PLEKHA7: variants seen among roughly 807,000 people sequenced by gnomAD.
PLEKHA7 encodes the protein pleckstrin homology domain containing A7.
PLEKHA7 carries 104 observed loss-of-function variants against 170.0 expected under a neutral mutation model. The observed-to-expected ratio is 0.61, with a 90% CI of 0.52 to 0.72. The LOEUF (loss-of-function observed/expected upper bound fraction) is 0.72. Ranked by LOEUF, PLEKHA7 falls within the 30% of genes least tolerant of loss-of-function variation. The pLI, the probability that PLEKHA7 is intolerant of heterozygous loss-of-function variation, is 0.00. For synonymous variants in PLEKHA7, 648 were observed against 660.8 expected (o/e 0.98, Z 0.30); for missense variants, 1,615 against 1,671.7 (o/e 0.97, Z 0.59).
intron 3 of PLEKHA7, among the ~76,000 whole-genome samples, chr11:16,929,991 A>G (rs1310874480): frequency 6.6e-6 from 1 of 152,064 alleles, no homozygotes; most frequent in East Asian, 1.9e-4. Context: ...CAACAGAGTG[A>G]GACTCCGTCT....
At chr11:16,934,188 C>T (rs1232306902) in intron 3 of PLEKHA7, among the ~76,000 whole-genome samples, 1 of 152,194 alleles carries the variant, frequency 6.6e-6, no homozygotes, top group East Asian at 1.9e-4. Context: ...CCTATCACTG[C>T]AGCCCATCAG....
intron 6 of PLEKHA7, among the ~76,000 whole-genome samples, chr11:16,853,927 G>C (rs1032711700): frequency 6.6e-6 from 1 of 152,206 alleles, no homozygotes; most frequent in African/African-American, 2.4e-5. Flanking sequence ...TTCCCACAAA[G>C]CTTCACCAAA....
chr11:16,779,023 G>T lies in PLEKHA7; in HGVS notation c.3794-3C>A. The T allele has an allele frequency of 1.4e-6, 1 of 702,620 alleles. No homozygotes were observed. The highest frequency in any genetic ancestry group is 2.7e-5 in the East Asian group (1 of 37,282). 43.5% of individuals were successfully genotyped at this position (702,620 alleles called of 1,614,324 possible). Reference sequence around the variant, plus strand: ...TCACGGGTCAGTCACTGCCTGGGCTGGCAAAAAGCACAGGAGACAGTGAGA... The same window carrying T: ...TCACGGGTCAGTCACTGCCTGGGCTTGCAAAAAGCACAGGAGACAGTGAGA... On this transcript the variant is annotated splice_polypyrimidine_tract_variant and splice_region_variant and intron_variant, in intron 26 of 26. Transcript: ENST00000531066.
At chr11:16,906,228 A>T (rs879488691) in intron 3 of PLEKHA7, among the ~76,000 whole-genome samples, 101 of 28,916 alleles carry the variant, frequency 3.5e-3, no homozygotes, top group Non-Finnish European at 0.01. Flanking sequence ...ATGAGGTAGG[A>T]AGGAAGGAAG....
intron 4 of PLEKHA7, among the ~76,000 whole-genome samples, chr11:16,868,394 G>T (rs1417239420): frequency 6.6e-6 from 1 of 152,116 alleles, no homozygotes; most frequent in Non-Finnish European, 1.5e-5. Flanking sequence ...CCTTTGAGGG[G>T]CATGCACACA....
Position 16,803,206 on chromosome 11 carries a change from C to T in PLEKHA7, c.2076+21G>A, listed in dbSNP as rs369278836. 87 of 1,609,384 alleles carry T rather than the reference C, an allele frequency of 5.4e-5. No homozygotes were observed. The African/African-American group carries it at 6.8e-4, about 13-fold the overall frequency. ...GGTCAGGAGGCAGCTGAGGGGTCAG[C>T]GTGTCACTCTGCTCACTCACGTCAG... On this transcript the variant is annotated intron_variant, in intron 14 of 26. Transcript: ENST00000531066.
chr11:16,947,311 C>T (rs1447642892), intron 3 of PLEKHA7, among the ~76,000 whole-genome samples: 1 of 152,146 alleles, frequency 6.6e-6, no homozygotes, highest in Admixed American at 6.5e-5. Flanking sequence ...AAAATAGAGG[C>T]TGGGTGTGGT....
intron 4 of PLEKHA7, among the ~76,000 whole-genome samples, chr11:16,857,188 G>A (rs889623143): frequency 4.6e-5 from 7 of 152,204 alleles, no homozygotes; most frequent in African/African-American, 1.7e-4. Context: ...TACACCACAA[G>A]GGAAGTTCTC....
At chr11:16,975,516 G>T (rs1013294062) in intron 3 of PLEKHA7, among the ~76,000 whole-genome samples, 1 of 152,054 alleles carries the variant, frequency 6.6e-6, no homozygotes. Flanking sequence ...CCATGTCAGA[G>T]AACCCATGGA....
chr11:17,014,118 C>T lies in PLEKHA7; in HGVS notation c.163+7G>A. ...GCGCGCCCCCCACCCGCCGGCCCGG[C>T]GCCCACCTGAGCGGATCATGTGGCC... On this transcript the variant is annotated splice_region_variant and intron_variant, in intron 2 of 26. Coordinates refer to ENST00000531066, the MANE Select transcript of PLEKHA7 (RefSeq NM_001329630.2). 1 of 1,599,072 alleles carries T rather than the reference C, an allele frequency of 6.3e-7. No homozygotes were observed.
At chr11:16,982,821 A>ACG (rs1863517244) in intron 3 of PLEKHA7, among the ~76,000 whole-genome samples, 4 of 131,484 alleles carry the variant, frequency 3.0e-5, no homozygotes, top group Non-Finnish European at 6.4e-5. Context: ...AAAGAGAGAC[A>ACG]GAGAGAGAGA....
intron 10 of PLEKHA7, among the ~76,000 whole-genome samples, chr11:16,825,840 G>A (rs868820792): frequency 1.3e-5 from 2 of 152,222 alleles, no homozygotes; most frequent in Non-Finnish European, 2.9e-5. Flanking sequence ...AGACTCTGGT[G>A]TAATCGCATG....
chr11:16,810,469 C>T (rs749814393), intron 13 of PLEKHA7, among the ~76,000 whole-genome samples: 1 of 152,210 alleles, frequency 6.6e-6, no homozygotes, highest in African/African-American at 2.4e-5. Flanking sequence ...GCTTGTTTCT[C>T]GCATGTGGCT....
At chr11:16,963,318 T>TG (rs1862181590) in intron 3 of PLEKHA7, among the ~76,000 whole-genome samples, 1 of 152,232 alleles carries the variant, frequency 6.6e-6, no homozygotes, top group African/African-American at 2.4e-5. Flanking sequence ...TGTACCTTGC[T>TG]TAATTTAGGA....
Position 16,851,173 on chromosome 11 carries a change from G to A in PLEKHA7, c.696+18C>T. ...TTTCTTAGACAGAATGGCTGCATTAGAGGTGCAGGGGCAGTACCTTAAAGG... is the reference window on the plus strand; with the variant it reads ...TTTCTTAGACAGAATGGCTGCATTAAAGGTGCAGGGGCAGTACCTTAAAGG... On this transcript the variant is annotated intron_variant, in intron 8 of 26. Coordinates refer to ENST00000531066, the MANE Select transcript of PLEKHA7 (RefSeq NM_001329630.2). 6.5e-7 allele frequency: 1 copy of A among 1,548,030 alleles called. No homozygotes were observed. The highest frequency in any genetic ancestry group is 8.8e-7 in the Non-Finnish European group (1 of 1,140,040).
intron 3 of PLEKHA7, among the ~76,000 whole-genome samples, chr11:16,913,989 A>G (rs1356670439): frequency 1.3e-5 from 2 of 152,254 alleles, no homozygotes; most frequent in African/African-American, 2.4e-5. Context: ...AGAAAAGTAG[A>G]AGCAATCTAA....
chr11:16,978,093 C>T (rs1863184218), intron 3 of PLEKHA7, among the ~76,000 whole-genome samples: 1 of 152,172 alleles, frequency 6.6e-6, no homozygotes, highest in South Asian at 2.1e-4. Flanking sequence ...GAAACAAAGC[C>T]TGAATTTACT....
intron 3 of PLEKHA7, among the ~76,000 whole-genome samples, chr11:16,949,423 G>A (rs1275326503): frequency 6.6e-5 from 10 of 152,108 alleles, no homozygotes; most frequent in Admixed American, 4.6e-4. Context: ...GGGAGGGAGC[G>A]GTGTGACTGA....
intron 3 of PLEKHA7, among the ~76,000 whole-genome samples, chr11:16,943,459 TAC>T (rs1043632313): frequency 6.6e-6 from 1 of 152,126 alleles, no homozygotes; most frequent in African/African-American, 2.4e-5. Flanking sequence ...TACAGGAAAG[TAC>T]ACAGACAGGG....
Sources: gnomAD v4.1 joint callset for allele counts (sites outside exome capture counted in the v4.1 genomes callset) on GRCh38, gnomAD v4.1.1 for gene constraint, MANE v1.5 for transcripts, NCBI Gene and HGNC (gene_info 2026-07-23, HGNC 2026-07-21) for gene names.